Variants in KIF24 observed in about 807,000 individuals in gnomAD.
KIF24 encodes the protein kinesin family member 24.
Under a neutral mutation model 118.9 loss-of-function variants are expected in KIF24, and 81 were observed. The ratio of observed to expected loss-of-function variants is 0.68; its 90% CI spans 0.57 to 0.82. The LOEUF (loss-of-function observed/expected upper bound fraction) is 0.82. Ranked by LOEUF, KIF24 falls within the 40% of genes least tolerant of loss-of-function variation. The pLI, the probability that KIF24 is intolerant of heterozygous loss-of-function variation, is 0.00. For missense variants in KIF24, 1,560 were observed against 1,661.6 expected (o/e 0.94, Z 1.06); for synonymous variants, 599 against 610.0 (o/e 0.98, Z 0.27).
rs188915802 is a variant in KIF24 at position 34,318,685 on chromosome 9, G to T, written c.-25-7314C>A. 2.4e-4 allele frequency: 372 copies of T among 1,539,262 alleles called. 1 individual carries two copies. The East Asian group carries it at 8.2e-3, about 34-fold the overall frequency. ...AGGCGACCACGGCGTCGGAGGCCAA[G>T]GCAGTGCTGAGTGCCAAGCAGCTGA... is the stretch of plus-strand genomic sequence containing the variant. On this transcript the variant is annotated intron_variant, in intron 1 of 12. Coordinates refer to ENST00000402558, the MANE Select transcript of KIF24 (RefSeq NM_194313.4). The surrounding 1 kb of genome is among the most constrained non-coding windows in gnomAD (Gnocchi z 4.9).
At chr9:34,291,393 T>C (rs1362387168) in intron 4 of KIF24, among the ~76,000 whole-genome samples, 2 of 152,224 alleles carry the variant, frequency 1.3e-5, no homozygotes, top group Non-Finnish European at 2.9e-5. Flanking sequence ...TAACTAACCA[T>C]ATGACCTTAG....
Position 34,256,737 on chromosome 9 carries a change from G to C in KIF24, c.2870C>G (p.Ser957Cys). ...GGAGGCATCCTTTCTGAGATCAAAG[G>C]AAGAGCCTCCACCTCTTTCCTGTCT... ...IYRQERGGGS[S>C]FDLRKDASQS... Residue 957 changes from serine to cysteine, a missense_variant, in exon 11 of 13, where the codon TCC (serine) becomes TGC (cysteine). Transcript: ENST00000402558. 1 of 1,613,956 alleles carries C rather than the reference G, an allele frequency of 6.2e-7. No homozygotes were observed. Among genetic ancestry groups the C allele is most frequent in the East Asian group, 2.2e-5 (1 of 44,868 alleles).
intron 9 of KIF24, among the ~76,000 whole-genome samples, chr9:34,261,056 C>T (rs143595912): frequency 6.6e-6 from 1 of 152,180 alleles, no homozygotes; most frequent in African/African-American, 2.4e-5. Context: ...TCCTGGGTCC[C>T]TGGTTAAAAT....
At chr9:34,301,812 G>A (rs1445799724) in intron 3 of KIF24, among the ~76,000 whole-genome samples, 2 of 151,648 alleles carry the variant, frequency 1.3e-5, no homozygotes, top group Admixed American at 6.6e-5. Flanking sequence ...ACCTCAGCCT[G>A]GGCAACAGAA....
intron 6 of KIF24, among the ~76,000 whole-genome samples, chr9:34,279,201 T>C (rs1835759888): frequency 6.6e-6 from 1 of 152,200 alleles, no homozygotes; most frequent in Non-Finnish European, 1.5e-5. Flanking sequence ...CATCATACTA[T>C]AAATTTTATG....
intron 1 of KIF24, among the ~76,000 whole-genome samples, chr9:34,316,779 TA>T (rs1207035775): frequency 6.6e-6 from 1 of 152,112 alleles, no homozygotes; most frequent in African/African-American, 2.4e-5. Context: ...AAAGTAAAAA[TA>T]GTGCTTACTG....
In KIF24 at chr9:34,257,539, G is replaced by C; in HGVS notation, c.2068C>G (p.Pro690Ala). Residue 690 changes from proline to alanine, a missense_variant, in exon 11 of 13, where the codon CCA (proline) becomes GCA (alanine). Transcript: ENST00000402558. ...VLGWESRASG[P>A]GEGLVRGKLS... Reference sequence around the variant, plus strand: ...TTACCACGCACTAGGCCTTCTCCTGGGCCTGAGGCCCTGCTTTCCCACCCA... The same window carrying C: ...TTACCACGCACTAGGCCTTCTCCTGCGCCTGAGGCCCTGCTTTCCCACCCA... The C allele has an allele frequency of 6.2e-7, 1 of 1,614,020 alleles. No individual in the cohort carries two copies.
intron 6 of KIF24, among the ~76,000 whole-genome samples, chr9:34,285,930 T>TAAAAA (rs11283995): frequency 1.7e-5 from 2 of 120,876 alleles, no homozygotes; most frequent in Admixed American, 9.0e-5. Context: ...CCCTGTTGCT[T>TAAAAA]AAAAAAAAAA....
At chr9:34,305,054 C>T (rs1253877658) in intron 3 of KIF24, among the ~76,000 whole-genome samples, 2 of 152,276 alleles carry the variant, frequency 1.3e-5, no homozygotes, top group East Asian at 3.9e-4. Flanking sequence ...TTTTAGATTA[C>T]TCACAATTTT....
intron 9 of KIF24, among the ~76,000 whole-genome samples, chr9:34,260,448 C>T (rs776888452): frequency 5.3e-5 from 8 of 152,006 alleles, no homozygotes; most frequent in Non-Finnish European, 8.8e-5. Flanking sequence ...CTTCTATCTT[C>T]GAGGGAAAAA....
At chr9:34,272,132 A>T (rs1835530568) in intron 6 of KIF24, among the ~76,000 whole-genome samples, 1 of 152,228 alleles carries the variant, frequency 6.6e-6, no homozygotes, top group South Asian at 2.1e-4. Context: ...TGAAATACTA[A>T]TCCTGTGGAA....
upstream of KIF24, among the ~76,000 whole-genome samples, chr9:34,332,010 G>T (rs1837953894): frequency 6.6e-6 from 1 of 152,062 alleles, no homozygotes. Flanking sequence ...GATCTAACTG[G>T]AATCATTTGT....
chr9:34,331,232 A>C (rs769348745), upstream of KIF24, among the ~76,000 whole-genome samples: 1 of 152,216 alleles, frequency 6.6e-6, no homozygotes, highest in Non-Finnish European at 1.5e-5. Context: ...AACAGACAAG[A>C]TGAAAAGTCA....
intron 4 of KIF24, among the ~76,000 whole-genome samples, chr9:34,293,644 C>T (rs1406114760): frequency 1.3e-5 from 2 of 151,968 alleles, no homozygotes; most frequent in Non-Finnish European, 2.9e-5. Context: ...GGCGTGGTGG[C>T]GGGCACCTGC....
intron 1 of KIF24, among the ~76,000 whole-genome samples, chr9:34,328,284 G>C (rs1837743892): frequency 6.6e-6 from 1 of 152,148 alleles, no homozygotes. Context: ...ATTTTCCAAA[G>C]CACACTTAAA....
rs373422497 is a variant in KIF24, at chr9:34,304,072, T to C, written c.813+2180A>G. 5.3e-5 allele frequency among the ~76,000 whole-genome samples: 8 copies of C among 152,324 alleles called. No homozygotes were observed. In the East Asian group the frequency reaches 9.6e-4, roughly 18 times the overall value. On this transcript the variant is annotated intron_variant, in intron 3 of 12. Coordinates refer to ENST00000402558, the MANE Select transcript of KIF24 (RefSeq NM_194313.4). ...TTGGTAGGATAGCATACTACATGTATATGATCATATTTACTAAGTAACAAG... is the reference window on the plus strand; with the variant it reads ...TTGGTAGGATAGCATACTACATGTACATGATCATATTTACTAAGTAACAAG...
intron 2 of KIF24, among the ~76,000 whole-genome samples, chr9:34,310,188 G>A (rs1412917563): frequency 6.6e-6 from 1 of 151,892 alleles, no homozygotes; most frequent in Non-Finnish European, 1.5e-5. Flanking sequence ...TTTTTTCCGG[G>A]GTTGAAATTG....
chr9:34,277,463 T>A (rs1394960540), intron 6 of KIF24, among the ~76,000 whole-genome samples: 3 of 152,156 alleles, frequency 2.0e-5, no homozygotes, highest in Non-Finnish European at 4.4e-5. Context: ...CTCAAGACCA[T>A]ACTTCACAAG....
At chr9:34,300,111 G>C (rs545455022) in intron 3 of KIF24, among the ~76,000 whole-genome samples, 50 of 152,216 alleles carry the variant, frequency 3.3e-4, no homozygotes, top group African/African-American at 1.2e-3. Flanking sequence ...ATGGAAACTT[G>C]TTAGATTGTC....
Sources: gnomAD v4.1 joint callset for allele counts (sites outside exome capture counted in the v4.1 genomes callset) on GRCh38, gnomAD v4.1.1 for gene constraint, Gnocchi (gnomAD v3.1) non-coding constraint, MANE v1.5 for transcripts, NCBI Gene and HGNC (gene_info 2026-07-23, HGNC 2026-07-21) for gene names.